PHYHIP: variants seen among roughly 807,000 people sequenced by gnomAD.
The protein encoded by PHYHIP is phytanoyl-CoA hydroxylase-interacting protein.
A neutral mutation model predicts 26.1 loss-of-function variants in PHYHIP; 7 were observed. The observed-to-expected ratio is 0.27, with a 90% CI of 0.15 to 0.50. PHYHIP has a LOEUF of 0.50. Ranked by LOEUF, PHYHIP falls within the 20% of genes least tolerant of loss-of-function variation. PHYHIP has a pLI of 0.98. For synonymous variants in PHYHIP, 206 were observed against 183.4 expected (o/e 1.12, Z -1.00); for missense variants, 232 against 454.7 (o/e 0.51, Z 4.45).
At position 22,221,807 on chromosome 8, in the gene PHYHIP, T is replaced by C; in HGVS notation, c.539A>G (p.His180Arg). ...SHGSPTSGML[H>R]GVFFSCNTEF... is the part of the protein sequence containing the mutation. ...CGTGTTGCAGCTGAAGAAGACCCCG[T>C]GGAGCATACCGCTGGTGGGGGAGCC... The change falls in exon 5 of 5, where the codon CAC (histidine) becomes CGC (arginine). Residue 180 changes from histidine to arginine, a missense_variant. Physicochemically the swap from His to Arg is conservative, Grantham distance 29. Coordinates refer to ENST00000454243, the MANE Select transcript of PHYHIP (RefSeq NM_014759.5). This position sits in a 1 kb window ranked among gnomAD's most constrained non-coding sequence, Gnocchi z 7.9. 1 of 1,605,944 alleles carries C rather than the reference T, an allele frequency of 6.2e-7. No individual in the cohort carries two copies. The highest frequency in any genetic ancestry group is 8.5e-7 in the Non-Finnish European group (1 of 1,176,512).
intron 4 of PHYHIP, among the ~76,000 whole-genome samples, chr8:22,222,944 G>C (rs952206422): frequency 6.6e-6 from 1 of 152,138 alleles, no homozygotes; most frequent in Non-Finnish European, 1.5e-5. Flanking sequence ...TCCCATCTCG[G>C]CCTCCCAACG....
intron 2 of PHYHIP, chr8:22,227,692 G>C: frequency 2.2e-6 from 1 of 456,556 alleles, no homozygotes; most frequent in Non-Finnish European, 4.4e-6. Context: ...CAAGCAAATG[G>C]CAGGCCAGCA....
At position 22,221,253 on chromosome 8, in the gene PHYHIP, A is replaced by C; in HGVS notation, c.*100T>G. 6 of 1,133,952 alleles carry C rather than the reference A, an allele frequency of 5.3e-6. No individual in the cohort carries two copies. The allele number at this position is 1,133,952 out of a possible 1,614,324, so 70.2% of individuals were successfully genotyped here. A position where few individuals can be genotyped will look rare whatever the true frequency, so the allele number is the denominator to read the frequency against. On this transcript the variant is annotated 3_prime_UTR_variant, in exon 5 of 5. Transcript: ENST00000454243. This position sits in a 1 kb window ranked among gnomAD's most constrained non-coding sequence, Gnocchi z 7.9. ...GAGGGCAGCTGGGCAGAGTGGAGGGAGCAGGGGGGCAGGAGAGAGAAAGCC... is the reference window on the plus strand; with the variant it reads ...GAGGGCAGCTGGGCAGAGTGGAGGGCGCAGGGGGGCAGGAGAGAGAAAGCC...
At chr8:22,226,077 T>C (rs1025569111) in intron 3 of PHYHIP, among the ~76,000 whole-genome samples, 1 of 152,180 alleles carries the variant, frequency 6.6e-6, no homozygotes, top group Non-Finnish European at 1.5e-5. Flanking sequence ...TTGTTTGTGA[T>C]GGAGTCTACA....
At chr8:22,229,389 C>A (rs1007145001) in intron 1 of PHYHIP, among the ~76,000 whole-genome samples, 1 of 152,158 alleles carries the variant, frequency 6.6e-6, no homozygotes, top group African/African-American at 2.4e-5. Context: ...TCCTTTCAAG[C>A]AACTGCATTT....
chr8:22,224,600 G>A (rs1829704512), intron 3 of PHYHIP, among the ~76,000 whole-genome samples: 1 of 152,214 alleles, frequency 6.6e-6, no homozygotes, highest in Non-Finnish European at 1.5e-5. Context: ...GGCTCTCCGG[G>A]TCAGAAAAAG....
chr8:22,224,085 G>A, intron 4 of PHYHIP, 141 bp downstream of exon 4: 1 of 656,934 alleles, frequency 1.5e-6, no homozygotes, highest in East Asian at 2.5e-5. Flanking sequence ...AGCCAGCCTG[G>A]TGACGTCAGG....
At position 22,231,657 on chromosome 8, in the gene PHYHIP, CGGG is replaced by C. The variant is rs10537398; in HGVS notation, c.-30+136_-30+138del. The C allele has an allele frequency of 6.0e-5, 9 of 150,168 alleles. No homozygotes were observed. In the South Asian group the frequency reaches 6.3e-4, roughly 11 times the overall value. The allele number at this position is 150,168 out of a possible 1,614,324, so 9.3% of individuals were successfully genotyped here. A position where few individuals can be genotyped will look rare whatever the true frequency, so the allele number is the denominator to read the frequency against. On this transcript the variant is annotated intron_variant, in intron 1 of 4. Coordinates refer to ENST00000454243, the MANE Select transcript of PHYHIP (RefSeq NM_014759.5). Reference sequence around the variant, plus strand: ...TTAACCACTTTGCCAAAGGCCTGGCCGGGGGGGGGGAGAGGGGACAAGGTCGTC... The same window carrying C: ...TTAACCACTTTGCCAAAGGCCTGGCCGGGGGGGAGAGGGGACAAGGTCGTC...
chr8:22,227,896 A>T (rs1829783692), intron 2 of PHYHIP, among the ~76,000 whole-genome samples: 1 of 152,242 alleles, frequency 6.6e-6, no homozygotes, highest in South Asian at 2.1e-4. Context: ...CTGAAGTCTC[A>T]GTTGTGGCGC....
chr8:22,227,643 C>T, intron 2 of PHYHIP: 1 of 456,310 alleles, frequency 2.2e-6, no homozygotes, highest in Non-Finnish European at 4.4e-6. Context: ...CAGGAAAGGA[C>T]ACACCCACGG....
At chr8:22,222,967 A>G (rs1481244677) in intron 4 of PHYHIP, among the ~76,000 whole-genome samples, 1 of 152,206 alleles carries the variant, frequency 6.6e-6, no homozygotes, top group Non-Finnish European at 1.5e-5. Context: ...GTAGGATTAC[A>G]GGCTTGAGCC....
At chr8:22,225,569 C>T (rs544989350) in intron 3 of PHYHIP, among the ~76,000 whole-genome samples, 66 of 148,310 alleles carry the variant, frequency 4.5e-4, no homozygotes, top group African/African-American at 1.5e-3. Flanking sequence ...CCAAGGCAGG[C>T]AGATCACCTG....
intron 1 of PHYHIP, among the ~76,000 whole-genome samples, chr8:22,230,201 TCACA>T (rs1338870826): frequency 6.6e-6 from 1 of 151,282 alleles, no homozygotes; most frequent in Non-Finnish European, 1.5e-5. Context: ...CATGTGCCCC[TCACA>T]CACACACACG....
intron 4 of PHYHIP, among the ~76,000 whole-genome samples, chr8:22,223,547 C>T (rs1477259207): frequency 7.2e-5 from 11 of 152,136 alleles, no homozygotes; most frequent in Non-Finnish European, 1.5e-4. Context: ...AAGTGCTTCC[C>T]TCTGGGCCTC....
chr8:22,223,183 T>G (rs995456367), intron 4 of PHYHIP, among the ~76,000 whole-genome samples: 4 of 151,278 alleles, frequency 2.6e-5, no homozygotes, highest in African/African-American at 9.7e-5. Flanking sequence ...GCCAACATGG[T>G]GAAACCCCAC....
At chr8:22,225,372 G>C (rs959697772) in intron 3 of PHYHIP, among the ~76,000 whole-genome samples, 15 of 152,234 alleles carry the variant, frequency 9.9e-5, no homozygotes, top group African/African-American at 3.4e-4. Context: ...AGCTACTCAG[G>C]AGGCCAGGAA....
At chr8:22,228,104 C>T (rs1231508620) in intron 2 of PHYHIP, 89 bp downstream of exon 2, 1 of 1,115,526 alleles carries the variant, frequency 9.0e-7, no homozygotes, top group Non-Finnish European at 1.3e-6. Context: ...CAGCCTCTGA[C>T]TCCAAGCCAT....
intron 3 of PHYHIP, among the ~76,000 whole-genome samples, chr8:22,226,530 T>C (rs1586491590): frequency 6.6e-6 from 1 of 152,234 alleles, no homozygotes; most frequent in East Asian, 1.9e-4. Context: ...TTTTACGTCA[T>C]GCACCTTTGA....
At position 22,224,207 on chromosome 8, in the gene PHYHIP, CG is replaced by C; in HGVS notation, c.458+18del. ...GGAGGAGAGGCCCGGCGGGTCCAGCCGGGAGCCCGCGCCCATACCTGGCATG... is the reference window on the plus strand; with the variant it reads ...GGAGGAGAGGCCCGGCGGGTCCAGCCGGAGCCCGCGCCCATACCTGGCATG... On this transcript the variant is annotated intron_variant, in intron 4 of 4. Coordinates refer to ENST00000454243, the MANE Select transcript of PHYHIP (RefSeq NM_014759.5). The C allele has an allele frequency of 6.9e-7, 1 of 1,458,278 alleles. No individual in the cohort carries two copies. The highest frequency in any genetic ancestry group is 9.6e-7 in the Non-Finnish European group (1 of 1,040,354). The allele number at this position is 1,458,278 out of a possible 1,614,324, so 90.3% of individuals were successfully genotyped here. A position where few individuals can be genotyped will look rare whatever the true frequency, so the allele number is the denominator to read the frequency against.
Sources: gnomAD v4.1 joint callset for allele counts (sites outside exome capture counted in the v4.1 genomes callset) on GRCh38, gnomAD v4.1.1 for gene constraint, Gnocchi (gnomAD v3.1) non-coding constraint, MANE v1.5 for transcripts, NCBI Gene and HGNC (gene_info 2026-07-23, HGNC 2026-07-21) for gene names.